The following AGTPBP1 variants were observed in gnomAD, a reference collection of about 807,000 sequenced individuals.
The protein encoded by AGTPBP1 is cytosolic carboxypeptidase 1.
In AGTPBP1, 70 loss-of-function variants were observed where a neutral mutation model predicts 143.9. The ratio of observed to expected loss-of-function variants is 0.49; its 90% CI spans 0.40 to 0.59. The LOEUF (loss-of-function observed/expected upper bound fraction) is 0.59, where lower values mean the gene tolerates loss of function less well. Ranked by LOEUF, AGTPBP1 falls within the 20% of genes least tolerant of loss-of-function variation. The pLI is 0.00. For synonymous variants in AGTPBP1, 463 were observed against 500.2 expected (o/e 0.93, Z 0.99); for missense variants, 1,229 against 1,464.5 (o/e 0.84, Z 2.62).
intron 25 of AGTPBP1, among the ~76,000 whole-genome samples, chr9:85,551,067 C>T (rs928313039): frequency 2.7e-5 from 4 of 149,568 alleles, no homozygotes; most frequent in South Asian, 2.1e-4. Flanking sequence ...TTCCCCCTCT[C>T]GCCATGTGAC....
chr9:85,756,542 T>TA, the AGTPBP1 span, among the ~76,000 whole-genome samples: 1 of 113,230 alleles, frequency 8.8e-6, no homozygotes, highest in Non-Finnish European at 2.4e-5. Context: ...GATGGATAGA[T>TA]GGATAGATAG....
At chr9:85,621,314 T>C (rs1830920323) in intron 14 of AGTPBP1, 29 bp from the exon 15 acceptor site, 2 of 1,160,006 alleles carry the variant, frequency 1.7e-6, no homozygotes, top group Non-Finnish European at 2.3e-6. Context: ...AACCAAAATA[T>C]ATTATTATAC....
intron 2 of AGTPBP1, among the ~76,000 whole-genome samples, chr9:85,694,400 T>C (rs543961138): frequency 6.6e-6 from 1 of 152,180 alleles, no homozygotes; most frequent in Non-Finnish European, 1.5e-5. Context: ...AAGAGAAATA[T>C]GTACTGCTCT....
the AGTPBP1 span, among the ~76,000 whole-genome samples, chr9:85,779,027 T>C: frequency 6.6e-6 from 1 of 152,036 alleles, no homozygotes; most frequent in African/African-American, 2.4e-5. Flanking sequence ...CTTAGCATTT[T>C]TGGGTCTAAT....
intron 25 of AGTPBP1, among the ~76,000 whole-genome samples, chr9:85,568,364 A>G (rs916750230): frequency 2.0e-5 from 3 of 152,236 alleles, no homozygotes; most frequent in African/African-American, 7.2e-5. Context: ...AAAAAGTTGT[A>G]AAACAGAAAC....
At chr9:85,771,928 G>C in the AGTPBP1 span, among the ~76,000 whole-genome samples, 1 of 151,678 alleles carries the variant, frequency 6.6e-6, no homozygotes, top group East Asian at 1.9e-4. Flanking sequence ...CAAAGTGCTG[G>C]GATTACAGGC....
At chr9:85,603,002 T>C (rs1829764946) in intron 17 of AGTPBP1, among the ~76,000 whole-genome samples, 2 of 152,186 alleles carry the variant, frequency 1.3e-5, no homozygotes, top group Admixed American at 6.5e-5. Context: ...ATCCCAGCTG[T>C]CAGAACCTGA....
intron 1 of AGTPBP1, among the ~76,000 whole-genome samples, chr9:85,718,416 C>T (rs550684570): frequency 6.6e-6 from 1 of 152,268 alleles, no homozygotes; most frequent in South Asian, 2.1e-4. Context: ...TCTCTGATGA[C>T]CAGTGATAAC....
intron 11 of AGTPBP1, 81 bp downstream of exon 11, chr9:85,655,062 T>G: frequency 7.8e-7 from 1 of 1,277,446 alleles, no homozygotes; most frequent in Non-Finnish European, 1.1e-6. Context: ...TGCTGAGGAG[T>G]TAGACATAAA....
chr9:85,657,612 T>C lies in AGTPBP1; in HGVS notation c.732A>G (p.Gly244=), dbSNP rs761137575. The change falls in exon 10 of 26, where the codon GGA becomes GGG. Residue 244 remains glycine, a synonymous_variant. Coordinates refer to ENST00000357081, the MANE Select transcript of AGTPBP1 (RefSeq NM_001330701.2). ...KTNARRAVDR[G]YVQVLLTIYV... ...AAATTGTTAAAAGCACTTGGACATA[T>C]CCTCTGTCTACAGCTCTCCTGGCAT... The C allele has an allele frequency of 2.5e-6, 4 of 1,613,764 alleles. No individual in the cohort carries two copies. The highest frequency in any genetic ancestry group is 3.4e-6 in the Non-Finnish European group (4 of 1,179,864).
At chr9:85,634,193 CAAA>C (rs112565067) in intron 13 of AGTPBP1, among the ~76,000 whole-genome samples, 2,049 of 56,170 alleles carry the variant, frequency 0.036, 36 homozygotes, top group African/African-American at 0.1. Context: ...GACTCTCTCT[CAAA>C]AAAAAAAAAA....
chr9:85,760,966 C>A, the AGTPBP1 span, among the ~76,000 whole-genome samples: 1 of 152,128 alleles, frequency 6.6e-6, no homozygotes, highest in Non-Finnish European at 1.5e-5. Flanking sequence ...CATTCTTATA[C>A]ACCAATAACA....
At chr9:85,567,748 G>A (rs60872410) in intron 25 of AGTPBP1, among the ~76,000 whole-genome samples, 9,393 of 152,192 alleles carry the variant, frequency 0.062, 978 homozygotes, top group African/African-American at 0.21. Flanking sequence ...TACCTAGACT[G>A]TAGCAGGAAA....
chr9:85,677,379 A>G, intron 6 of AGTPBP1, 57 bp downstream of exon 6: 1 of 1,494,110 alleles, frequency 6.7e-7, no homozygotes. Flanking sequence ...AAGGTGAGAG[A>G]ATCACTGTTA....
chr9:85,798,206 G>A, the AGTPBP1 span, among the ~76,000 whole-genome samples: 1 of 151,792 alleles, frequency 6.6e-6, no homozygotes, highest in South Asian at 2.1e-4. Flanking sequence ...CCAGCCACAT[G>A]TTTTTCTGTT....
chr9:85,741,766 G>A lies in AGTPBP1; in HGVS notation c.-34+9C>T, dbSNP rs1298191582. Reference sequence around the variant, plus strand: ...GGCCGGGACATGAGGACTGCAGCAGGGCGCTCACCGGCTCAGGATGGGGCG... The same window carrying A: ...GGCCGGGACATGAGGACTGCAGCAGAGCGCTCACCGGCTCAGGATGGGGCG... On this transcript the variant is annotated intron_variant, in intron 1 of 25. Coordinates refer to ENST00000357081, the MANE Select transcript of AGTPBP1 (RefSeq NM_001330701.2). 7.5e-7 allele frequency: 1 copy of A among 1,325,704 alleles called. No homozygotes were observed. The allele number at this position is 1,325,704 out of a possible 1,614,324, so 82.1% of individuals were successfully genotyped here.
Position 85,588,431 on chromosome 9 carries a change from T to G in AGTPBP1, c.2770A>C (p.Thr924Pro). The G allele has an allele frequency of 1.2e-6, 2 of 1,613,326 alleles. No homozygotes were observed. The highest frequency in any genetic ancestry group is 1.7e-6 in the Non-Finnish European group (2 of 1,179,558). ...CCTTTCATAACCCAACTTGCATTAGTTTCTCCAGGATGTACCCGAGCAGAC... is the reference window on the plus strand; with the variant it reads ...CCTTTCATAACCCAACTTGCATTAGGTTCTCCAGGATGTACCCGAGCAGAC... ...FLSARVHPGE[T>P]NASWVMKGTL... The change falls in exon 21 of 26, where the codon ACT (threonine) becomes CCT (proline). Residue 924 changes from threonine (T) to proline (P), a missense_variant. Physicochemically the swap from Thr to Pro is conservative, Grantham distance 38. Transcript: ENST00000357081.
At chr9:85,804,948 T>C in the AGTPBP1 span, among the ~76,000 whole-genome samples, 2 of 152,146 alleles carry the variant, frequency 1.3e-5, no homozygotes, top group African/African-American at 4.8e-5. Context: ...CAGGGACCTC[T>C]AACTGCTCTC....
chr9:85,750,408 G>A, the AGTPBP1 span, among the ~76,000 whole-genome samples: 205 of 152,200 alleles, frequency 1.3e-3, 1 homozygote, highest in African/African-American at 4.9e-3. Context: ...TTAGTCTATG[G>A]CACCTGTTTT....
Sources: allele counts gnomAD v4.1 joint callset (sites outside exome capture counted in the v4.1 genomes callset), GRCh38; gene constraint gnomAD v4.1.1; transcripts MANE v1.5; gene names NCBI Gene and HGNC (gene_info 2026-07-23, HGNC 2026-07-21).